The following CPED1 variants were observed in gnomAD, a reference collection of about 807,000 sequenced individuals.
CPED1 encodes cadherin like and PC-esterase domain containing 1.
In CPED1, 114 loss-of-function variants were observed where a neutral mutation model predicts 128.2. That is an observed-to-expected ratio of 0.89 (90% CI 0.76 to 1.04). The LOEUF (loss-of-function observed/expected upper bound fraction) is 1.04. Ranked by LOEUF, CPED1 falls within the 50% of genes least tolerant of loss-of-function variation. The probability of loss-of-function intolerance (pLI) is 0.00; values close to 1 mark genes in which losing one functional copy is unlikely to be tolerated. For synonymous variants in CPED1, 462 were observed against 426.7 expected, an observed-to-expected ratio of 1.08 and a Z score of -1.02; for missense variants, 1,211 against 1,207.1, an observed-to-expected ratio of 1.00 and a Z score of -0.05.
chr7:121,256,551 C>T (rs768325125), intron 18 of CPED1, among the ~76,000 whole-genome samples: 2 of 152,008 alleles, frequency 1.3e-5, no homozygotes, highest in Non-Finnish European at 1.5e-5. Context: ...CAAAAAACAA[C>T]GGATGCTGGA....
chr7:121,215,760 A>T (rs1797745133), intron 16 of CPED1, among the ~76,000 whole-genome samples: 1 of 152,098 alleles, frequency 6.6e-6, no homozygotes, highest in African/African-American at 2.4e-5. Flanking sequence ...CAAAATTAAG[A>T]TTCAAGGATT....
chr7:121,261,076 T>C (rs887196901), intron 18 of CPED1, among the ~76,000 whole-genome samples: 2 of 152,060 alleles, frequency 1.3e-5, no homozygotes, highest in African/African-American at 4.8e-5. Context: ...TTTAACTATG[T>C]CCTGGTTACT....
chr7:121,025,535 C>T (rs112527152), intron 3 of CPED1, among the ~76,000 whole-genome samples: 4 of 152,042 alleles, frequency 2.6e-5, no homozygotes, highest in South Asian at 2.1e-4. Context: ...AGCAGTGTTT[C>T]CCAAACTCGA....
chr7:121,260,914 TTTTTC>T (rs1259690561), intron 18 of CPED1, among the ~76,000 whole-genome samples: 2 of 152,236 alleles, frequency 1.3e-5, no homozygotes, highest in South Asian at 2.1e-4. Context: ...ATTTTTTTTC[TTTTTC>T]TTTTCTTATC....
Position 121,295,812 on chromosome 7 carries a change from A to C in CPED1, c.*160A>C. 1.8e-6 allele frequency: 1 copy of C among 570,838 alleles called. No homozygotes were observed. Among genetic ancestry groups the C allele is most frequent in the Non-Finnish European group, 3.1e-6 (1 of 320,904 alleles). The allele number at this position is 570,838 out of a possible 1,614,324, so 35.4% of individuals were successfully genotyped here. ...ACACCAGTACACACACAGTTAAATA[A>C]TGATAACACTTCTTACAGCTTTATG... On this transcript the variant is annotated 3_prime_UTR_variant, in exon 23 of 23. Coordinates refer to ENST00000310396, the MANE Select transcript of CPED1 (RefSeq NM_024913.5).
intron 16 of CPED1, among the ~76,000 whole-genome samples, chr7:121,170,054 T>C (rs1304845058): frequency 6.6e-6 from 1 of 152,196 alleles, no homozygotes; most frequent in Non-Finnish European, 1.5e-5. Context: ...ATATCTCCCC[T>C]AGATTTTTCT....
chr7:121,064,281 A>C lies in CPED1; in HGVS notation c.584A>C (p.Glu195Ala), dbSNP rs1793767079. Residue 195 changes from glutamate to alanine, a missense_variant, in exon 5 of 23, where the codon GAA (glutamate) becomes GCA (alanine). By Grantham distance (107) the Glu-to-Ala change is moderately radical. Coordinates refer to ENST00000310396, the MANE Select transcript of CPED1 (RefSeq NM_024913.5). ...ATACAGCAGCCACTTTGCAGAAAGG[A>C]AGGATTATGTCAAATAGTTAGAAGA... ...PEIQQPLCRK[E>A]GLCQIVRRFP... 8 of 1,612,788 alleles carry C rather than the reference A, an allele frequency of 5.0e-6. No individual in the cohort carries two copies. Among genetic ancestry groups the C allele is most frequent in the South Asian group, 1.1e-5 (1 of 91,044 alleles).
At chr7:121,052,338 G>T (rs1477319995) in intron 4 of CPED1, among the ~76,000 whole-genome samples, 1 of 152,100 alleles carries the variant, frequency 6.6e-6, no homozygotes, top group Admixed American at 6.5e-5. Context: ...CAAAACATAC[G>T]GTTGGCACCT....
chr7:121,219,391 C>T (rs1356767500), intron 16 of CPED1, among the ~76,000 whole-genome samples: 1 of 151,868 alleles, frequency 6.6e-6, no homozygotes, highest in Non-Finnish European at 1.5e-5. Flanking sequence ...CCACATTGGC[C>T]CCATCCTGGC....
At chr7:121,244,174 C>G in intron 17 of CPED1, 28 bp from the exon 18 acceptor site, 28 of 1,614,002 alleles carry the variant, frequency 1.7e-5, no homozygotes, top group Non-Finnish European at 2.4e-5. Context: ...AGAAACAGAA[C>G]CAAAGAAAGT....
At chr7:121,073,549 G>A (rs56360391) in intron 5 of CPED1, among the ~76,000 whole-genome samples, 11,736 of 152,072 alleles carry the variant, frequency 0.077, 619 homozygotes, top group Middle Eastern at 0.12. Flanking sequence ...TGCCCATATC[G>A]TAGAAGGGTT....
At chr7:121,099,803 C>T (rs977017027) in intron 6 of CPED1, 123 bp from the exon 7 acceptor site, 26 of 965,086 alleles carry the variant, frequency 2.7e-5, no homozygotes, top group Admixed American at 8.1e-5. Context: ...CAAGGAAACC[C>T]ACACACTGAG....
rs17143179 is a variant in CPED1, at chr7:121,131,005, G to A, written c.1577+711G>A. On this transcript the variant is annotated intron_variant, in intron 12 of 22. Coordinates refer to ENST00000310396, the MANE Select transcript of CPED1 (RefSeq NM_024913.5). ...CTTTTATATGGATGGAATTACAGGA[G>A]CATTCGACTTTTCTACTGGCAGCAA... is the stretch of plus-strand genomic sequence containing the variant. Among the ~76,000 whole-genome samples the A allele has an allele frequency of 9.9e-3, 1,511 of 152,092 alleles. 27 individuals carry two copies. The highest frequency in any genetic ancestry group is 0.034 in the African/African-American group (1,410 of 41,510).
At chr7:121,252,580 C>T (rs1798705161) in intron 18 of CPED1, among the ~76,000 whole-genome samples, 1 of 152,070 alleles carries the variant, frequency 6.6e-6, no homozygotes, top group South Asian at 2.1e-4. Context: ...TGACAAAGGG[C>T]TAATATCCAG....
Position 121,133,855 on chromosome 7 carries a change from A to G in CPED1, c.1610A>G (p.Lys537Arg), listed in dbSNP as rs780267949. Residue 537 changes from lysine (K) to arginine (R), a missense_variant, in exon 13 of 23, where the codon AAA becomes AGA. Coordinates refer to ENST00000310396, the MANE Select transcript of CPED1 (RefSeq NM_024913.5). ...NSFTEDKNIE[K>R]PQVPFDAIEN... Reference sequence around the variant, plus strand: ...TTCACAGAAGATAAGAACATTGAAAAACCACAAGTGCCATTTGATGCAATA... The same window carrying G: ...TTCACAGAAGATAAGAACATTGAAAGACCACAAGTGCCATTTGATGCAATA... The G allele has an allele frequency of 1.2e-6, 2 of 1,602,118 alleles. No individual in the cohort carries two copies. The highest frequency in any genetic ancestry group is 1.7e-6 in the Non-Finnish European group (2 of 1,172,108).
Position 121,250,570 on chromosome 7 carries a change from G to A in CPED1, c.2310+6232G>A, listed in dbSNP as rs572819574. ...AAAAGATCAACAAAATTGATAGACC[G>A]CTAGCAAGACTAATAAGAAAAGAAA... On this transcript the variant is annotated intron_variant, in intron 18 of 22. Transcript: ENST00000310396. 1.7e-4 allele frequency among the ~76,000 whole-genome samples: 26 copies of A among 152,204 alleles called. No individual in the cohort carries two copies. In the South Asian group the frequency reaches 3.3e-3, roughly 19 times the overall value.
intron 5 of CPED1, among the ~76,000 whole-genome samples, chr7:121,065,345 T>A (rs1311158889): frequency 6.6e-6 from 1 of 152,202 alleles, no homozygotes; most frequent in Non-Finnish European, 1.5e-5. Flanking sequence ...AAGCTGAATT[T>A]TTTTTGTTTT....
At chr7:121,171,692 TA>T (rs1187317194) in intron 16 of CPED1, among the ~76,000 whole-genome samples, 2 of 152,150 alleles carry the variant, frequency 1.3e-5, no homozygotes, top group African/African-American at 4.8e-5. Flanking sequence ...AAACCCTGAA[TA>T]TTTTCTTTCC....
chr7:121,023,568 C>CT (rs1186890871), intron 3 of CPED1, among the ~76,000 whole-genome samples: 15 of 152,150 alleles, frequency 9.9e-5, no homozygotes, highest in African/African-American at 3.6e-4. Flanking sequence ...ATGTGAATCT[C>CT]TATCATTGCA....
Sources: allele counts gnomAD v4.1 joint callset (sites outside exome capture counted in the v4.1 genomes callset), GRCh38; gene constraint gnomAD v4.1.1; transcripts MANE v1.5; gene names NCBI Gene and HGNC (gene_info 2026-07-23, HGNC 2026-07-21).